SLC30A6: variants seen among roughly 807,000 people sequenced by gnomAD.
SLC30A6 encodes the protein zinc transporter 6.
SLC30A6 carries 55 observed loss-of-function variants against 63.0 expected under a neutral mutation model. The ratio of observed to expected loss-of-function variants is 0.87; its 90% CI spans 0.70 to 1.09. The LOEUF is 1.09. Ranked by LOEUF, SLC30A6 falls within the 50% of genes least tolerant of loss-of-function variation. The pLI is 0.00. For synonymous variants in SLC30A6, 224 were observed against 186.1 expected (o/e 1.20, Z -1.66); for missense variants, 587 against 549.2 (o/e 1.07, Z -0.69).
At chr2:32,172,349 T>G (rs1423855852) in intron 2 of SLC30A6, among the ~76,000 whole-genome samples, 1 of 152,126 alleles carries the variant, frequency 6.6e-6, no homozygotes, top group Non-Finnish European at 1.5e-5. Flanking sequence ...CCAACTTAGA[T>G]TCTATGCTCC....
At chr2:32,215,342 G>T (rs565202964) in intron 13 of SLC30A6, among the ~76,000 whole-genome samples, 1 of 151,470 alleles carries the variant, frequency 6.6e-6, no homozygotes, top group Non-Finnish European at 1.5e-5. Flanking sequence ...CTATAGGCGC[G>T]CACCACCACG....
intron 13 of SLC30A6, among the ~76,000 whole-genome samples, chr2:32,215,881 TAG>T (rs1394415834): frequency 2.0e-5 from 3 of 151,458 alleles, no homozygotes; most frequent in African/African-American, 4.9e-5. Context: ...TTTATAACGA[TAG>T]AGTCTTGCTA....
rs745350516 is a variant in SLC30A6 at position 32,197,859 on chromosome 2, T to C, written c.665+33T>C. ...TTTTTTATTGTTGTCAAGTATGTTTTGATTTCTGGGGACTTACTTTTAAGG... is the reference window on the plus strand; with the variant it reads ...TTTTTTATTGTTGTCAAGTATGTTTCGATTTCTGGGGACTTACTTTTAAGG... On this transcript the variant is annotated intron_variant, in intron 10 of 13. Transcript: ENST00000282587. 2.5e-6 allele frequency: 4 copies of C among 1,610,300 alleles called. No individual in the cohort carries two copies. The South Asian group carries it at 4.4e-5, about 18-fold the overall frequency.
chr2:32,207,692 ATT>A (rs34666891), intron 12 of SLC30A6, among the ~76,000 whole-genome samples: 5 of 54,440 alleles, frequency 9.2e-5, no homozygotes, highest in African/African-American at 3.2e-4. Context: ...TAACTTCTGT[ATT>A]TTTTTTTTTT....
intron 4 of SLC30A6, among the ~76,000 whole-genome samples, chr2:32,181,033 G>A (rs1682263018): frequency 6.6e-6 from 1 of 152,162 alleles, no homozygotes; most frequent in African/African-American, 2.4e-5. Context: ...GTGGTTATCT[G>A]ATTTTAGAAT....
chr2:32,205,472 G>A (rs1684675284), intron 11 of SLC30A6, among the ~76,000 whole-genome samples: 7 of 151,884 alleles, frequency 4.6e-5, no homozygotes, highest in Admixed American at 3.9e-4. Context: ...AGTACAGATT[G>A]TGAAATTTTT....
intron 8 of SLC30A6, among the ~76,000 whole-genome samples, chr2:32,194,432 G>T (rs1364829251): frequency 1.3e-5 from 2 of 152,164 alleles, no homozygotes; most frequent in African/African-American, 4.8e-5. Flanking sequence ...ATGTTTGCAA[G>T]TAGCCAAACT....
intron 11 of SLC30A6, 129 bp from the exon 12 acceptor site, chr2:32,206,757 T>C (rs1410123508): frequency 4.5e-6 from 3 of 671,862 alleles, no homozygotes; most frequent in Non-Finnish European, 8.0e-6. Flanking sequence ...CTCTCTTCTC[T>C]AAATCATGAT....
At chr2:32,196,067 C>T (rs975408535) in intron 8 of SLC30A6, among the ~76,000 whole-genome samples, 3 of 152,132 alleles carry the variant, frequency 2.0e-5, no homozygotes, top group Non-Finnish European at 4.4e-5. Context: ...GTAATCCCAG[C>T]AGTTTGGGAG....
intron 1 of SLC30A6, among the ~76,000 whole-genome samples, chr2:32,170,693 G>A (rs906152152): frequency 3.3e-5 from 5 of 152,144 alleles, no homozygotes; most frequent in African/African-American, 1.2e-4. Context: ...CCACCTCCCA[G>A]GCTCAAGAGA....
intron 13 of SLC30A6, among the ~76,000 whole-genome samples, chr2:32,219,720 G>C (rs777870949): frequency 1.6e-4 from 25 of 152,210 alleles, no homozygotes; most frequent in Non-Finnish European, 8.8e-5. Flanking sequence ...ACAGATGTGA[G>C]CCACTGCGCC....
chr2:32,183,826 A>G (rs1442937097), intron 4 of SLC30A6, among the ~76,000 whole-genome samples: 1 of 152,232 alleles, frequency 6.6e-6, no homozygotes, highest in Non-Finnish European at 1.5e-5. Flanking sequence ...TGGAAAATGA[A>G]CATAATTTTA....
chr2:32,203,568 G>A, intron 10 of SLC30A6: 1 of 1,601,622 alleles, frequency 6.2e-7, no homozygotes, highest in Non-Finnish European at 8.5e-7. Context: ...TTGTGACCAT[G>A]ACTCTGGAAA....
At chr2:32,175,209 C>CA (rs781464036) in intron 3 of SLC30A6, 110 bp from the exon 4 acceptor site, 15 of 1,007,128 alleles carry the variant, frequency 1.5e-5, no homozygotes, top group Non-Finnish European at 2.1e-5. Flanking sequence ...GCCCGTGACT[C>CA]AAAAGTTTTT....
chr2:32,207,813 G>T (rs1300907105), intron 12 of SLC30A6, among the ~76,000 whole-genome samples: 2 of 142,578 alleles, frequency 1.4e-5, no homozygotes, highest in Admixed American at 7.6e-5. Flanking sequence ...TGATTCTTCT[G>T]CCTCAGCCTC....
chr2:32,211,119 G>C (rs915616015), intron 13 of SLC30A6, among the ~76,000 whole-genome samples: 7 of 152,180 alleles, frequency 4.6e-5, no homozygotes, highest in African/African-American at 1.7e-4. Flanking sequence ...TAGGGTCTCA[G>C]ATGCTCTCTA....
At chr2:32,209,662 G>T in intron 13 of SLC30A6, 101 bp downstream of exon 13, 2 of 912,562 alleles carry the variant, frequency 2.2e-6, no homozygotes, top group South Asian at 1.7e-5. Flanking sequence ...TAGAGCCTTT[G>T]ATTCCTAGTT....
At chr2:32,177,440 A>C (rs530119171) in intron 4 of SLC30A6, 1 of 215,380 alleles carries the variant, frequency 4.6e-6, no homozygotes, top group African/African-American at 2.4e-5. Flanking sequence ...ACAGGCATGT[A>C]CCACCAGGCA....
At chr2:32,211,206 C>T (rs551735084) in intron 13 of SLC30A6, among the ~76,000 whole-genome samples, 4 of 152,278 alleles carry the variant, frequency 2.6e-5, no homozygotes, top group East Asian at 1.9e-4. Flanking sequence ...CTTCAGAGTT[C>T]GGGCAGCGGA....
Sources: allele counts gnomAD v4.1 joint callset (sites outside exome capture counted in the v4.1 genomes callset), GRCh38; gene constraint gnomAD v4.1.1; transcripts MANE v1.5; gene names NCBI Gene and HGNC (gene_info 2026-07-23, HGNC 2026-07-21).